Variants in NALF1 observed in about 807,000 individuals in gnomAD.
NALF1 encodes family with sequence similarity 155 member A.
In NALF1, 3 loss-of-function variants were observed where a neutral mutation model predicts 48.4. That is an observed-to-expected ratio of 0.06 (90% CI 0.03 to 0.16). NALF1 has a LOEUF of 0.16. Among genes scored for constraint, NALF1 ranks in the 10% least tolerant of loss-of-function variants. The pLI is 1.00. For synonymous variants in NALF1, 262 were observed against 245.7 expected (o/e 1.07, Z -0.62); for missense variants, 526 against 571.5 (o/e 0.92, Z 0.81).
intron 1 of NALF1, among the ~76,000 whole-genome samples, chr13:107,325,618 A>C (rs1175267131): frequency 6.6e-6 from 1 of 151,746 alleles, no homozygotes; most frequent in African/African-American, 2.4e-5. Context: ...CGGGTAGATC[A>C]CTTGAGGTCA....
chr13:107,404,761 C>A (rs72650585), intron 1 of NALF1, among the ~76,000 whole-genome samples: 14,946 of 151,976 alleles, frequency 0.098, 755 homozygotes, highest in South Asian at 0.12. Context: ...TATTCAGGAC[C>A]TTTTCTCATT....
intron 1 of NALF1, among the ~76,000 whole-genome samples, chr13:107,489,766 T>G (rs918605492): frequency 1.3e-5 from 2 of 152,138 alleles, no homozygotes; most frequent in African/African-American, 2.4e-5. Context: ...AAAGAGCTTC[T>G]GCATAGCAAA....
At chr13:107,610,091 G>A (rs548998552) in intron 1 of NALF1, among the ~76,000 whole-genome samples, 3 of 152,226 alleles carry the variant, frequency 2.0e-5, no homozygotes, top group South Asian at 2.1e-4. Context: ...TTACACAAAC[G>A]TAAATGGTCT....
intron 1 of NALF1, among the ~76,000 whole-genome samples, chr13:107,850,367 T>C (rs1372422324): frequency 6.6e-6 from 1 of 152,242 alleles, no homozygotes; most frequent in Non-Finnish European, 1.5e-5. Flanking sequence ...ACTTGGGTTG[T>C]TGCCTGATAT....
At chr13:107,503,286 G>GT (rs1875579475) in intron 1 of NALF1, among the ~76,000 whole-genome samples, 1 of 136,116 alleles carries the variant, frequency 7.3e-6, no homozygotes. Context: ...AATAATGTAA[G>GT]TTTTCAAAAA....
At chr13:107,332,310 T>TA (rs1352159300) in intron 1 of NALF1, among the ~76,000 whole-genome samples, 4 of 152,094 alleles carry the variant, frequency 2.6e-5, no homozygotes, top group Non-Finnish European at 5.9e-5. Flanking sequence ...GGCATACAAA[T>TA]AGAGAATTTA....
intron 1 of NALF1, among the ~76,000 whole-genome samples, chr13:107,665,028 C>T (rs1880822509): frequency 6.6e-6 from 1 of 151,878 alleles, no homozygotes; most frequent in Non-Finnish European, 1.5e-5. Context: ...TAAAAGCAAA[C>T]ATATAATGGT....
chr13:107,802,311 C>T (rs1000851926), intron 1 of NALF1, among the ~76,000 whole-genome samples: 4 of 152,000 alleles, frequency 2.6e-5, no homozygotes, highest in Admixed American at 1.3e-4. Flanking sequence ...GTAGAAATGA[C>T]GAAATTACTC....
intron 1 of NALF1, among the ~76,000 whole-genome samples, chr13:107,597,109 T>G (rs533417845): frequency 2.1e-4 from 32 of 152,318 alleles, no homozygotes; most frequent in South Asian, 4.1e-4. Context: ...GGGTGTTACG[T>G]TTCATACATG....
At chr13:107,226,968 A>G (rs1055562673) in intron 1 of NALF1, among the ~76,000 whole-genome samples, 8 of 152,248 alleles carry the variant, frequency 5.3e-5, no homozygotes, top group Non-Finnish European at 7.3e-5. Flanking sequence ...TTGTATTAAC[A>G]AAAGTATGCA....
At chr13:107,716,196 T>A (rs1193800184) in intron 1 of NALF1, among the ~76,000 whole-genome samples, 1 of 152,196 alleles carries the variant, frequency 6.6e-6, no homozygotes, top group Non-Finnish European at 1.5e-5. Context: ...ACTTTCTAGC[T>A]GGAGTTATTA....
intron 1 of NALF1, among the ~76,000 whole-genome samples, chr13:107,584,222 T>A (rs1878391063): frequency 6.6e-6 from 1 of 152,112 alleles, no homozygotes; most frequent in Non-Finnish European, 1.5e-5. Context: ...TCTGTGAATA[T>A]AAGATTAATA....
chr13:107,523,174 G>A (rs1876304867), intron 1 of NALF1, among the ~76,000 whole-genome samples: 1 of 152,204 alleles, frequency 6.6e-6, no homozygotes, highest in South Asian at 2.1e-4. Context: ...ATATCATAAG[G>A]AGGGAGGAAT....
At chr13:107,256,117 A>G (rs1358796073) in intron 1 of NALF1, among the ~76,000 whole-genome samples, 1 of 152,204 alleles carries the variant, frequency 6.6e-6, no homozygotes, top group Non-Finnish European at 1.5e-5. Context: ...GTTGTTGAAA[A>G]CAGACGTTAT....
intron 1 of NALF1, among the ~76,000 whole-genome samples, chr13:107,299,927 T>A (rs535637689): frequency 4.6e-5 from 7 of 152,196 alleles, no homozygotes; most frequent in Non-Finnish European, 1.0e-4. Flanking sequence ...TATCTTGCAT[T>A]TTCCTTGCCC....
intron 1 of NALF1, among the ~76,000 whole-genome samples, chr13:107,391,871 C>A (rs1016779249): frequency 4.6e-5 from 7 of 152,114 alleles, no homozygotes; most frequent in African/African-American, 1.7e-4. Flanking sequence ...TGTACCCTGA[C>A]CACCTTGGGC....
At chr13:107,343,400 A>G (rs963908600) in intron 1 of NALF1, among the ~76,000 whole-genome samples, 2 of 152,172 alleles carry the variant, frequency 1.3e-5, no homozygotes, top group Non-Finnish European at 2.9e-5. Flanking sequence ...CATGGGGGGC[A>G]GGTCTTTCCC....
At chr13:107,701,495 A>T (rs1881818347) in intron 1 of NALF1, among the ~76,000 whole-genome samples, 1 of 152,120 alleles carries the variant, frequency 6.6e-6, no homozygotes. Context: ...AACTGTGGTT[A>T]CCAGGTATGA....
intron 1 of NALF1, among the ~76,000 whole-genome samples, chr13:107,294,317 G>A (rs1332920389): frequency 6.6e-6 from 1 of 152,082 alleles, no homozygotes; most frequent in East Asian, 1.9e-4. Flanking sequence ...AGGATTAGTA[G>A]TGTTTTCTCC....
Sources: allele counts gnomAD v4.1 joint callset (sites outside exome capture counted in the v4.1 genomes callset), GRCh38; gene constraint gnomAD v4.1.1; transcripts MANE v1.5; gene names NCBI Gene and HGNC (gene_info 2026-07-23, HGNC 2026-07-21).